The following KIF24 variants were observed in gnomAD, a reference collection of about 807,000 sequenced individuals.
KIF24 encodes the protein kinesin family member 24.
In KIF24, 81 loss-of-function variants were observed where a neutral mutation model predicts 118.9. The ratio of observed to expected loss-of-function variants is 0.68; its 90% CI spans 0.57 to 0.82. KIF24 has a LOEUF of 0.82. KIF24 is among the 40% of genes least tolerant of loss of function. The probability of loss-of-function intolerance (pLI) is 0.00; values close to 1 mark genes in which losing one functional copy is unlikely to be tolerated. For missense variants in KIF24, 1,560 were observed against 1,661.6 expected, an observed-to-expected ratio of 0.94 and a Z score of 1.06; for synonymous variants, 599 against 610.0, an observed-to-expected ratio of 0.98 and a Z score of 0.27.
chr9:34,301,249 C>T (rs1175484810), intron 3 of KIF24, among the ~76,000 whole-genome samples: 1 of 152,010 alleles, frequency 6.6e-6, no homozygotes, highest in Non-Finnish European at 1.5e-5. Context: ...ATCAGAGTTC[C>T]ACAGTTTATT....
chr9:34,262,672 A>ATGT (rs1835120999), intron 9 of KIF24, among the ~76,000 whole-genome samples: 1 of 37,960 alleles, frequency 2.6e-5, no homozygotes, highest in Non-Finnish European at 4.7e-5. Flanking sequence ...AAAAAAAAAA[A>ATGT]AAAATATATA....
rs6476443 is a variant in KIF24, at chr9:34,318,679, G to A, written c.-25-7308C>T. 5.4e-3 allele frequency: 8,282 copies of A among 1,539,424 alleles called. 393 individuals carry two copies. The African/African-American group carries it at 0.097, about 18-fold the overall frequency. On this transcript the variant is annotated intron_variant, in intron 1 of 12. Coordinates refer to ENST00000402558, the MANE Select transcript of KIF24 (RefSeq NM_194313.4). The surrounding 1 kb of genome is among the most constrained non-coding windows in gnomAD (Gnocchi z 4.9). ...GCGGCAAGGCGACCACGGCGTCGGA[G>A]GCCAAGGCAGTGCTGAGTGCCAAGC...
intron 1 of KIF24, among the ~76,000 whole-genome samples, chr9:34,327,605 TA>T (rs571919779): frequency 5.3e-5 from 8 of 150,682 alleles, no homozygotes; most frequent in South Asian, 4.2e-4. Flanking sequence ...TTTCAGCAGC[TA>T]AAAAAAAAGT....
chr9:34,260,505 C>T lies in KIF24; in HGVS notation c.1516-800G>A, dbSNP rs75383918. ...GTAAGCAGATCCATATGAGGCTATG[C>T]GGGCAGAGAGATGACTAGAAGGAAG... On this transcript the variant is annotated intron_variant, in intron 9 of 12. Coordinates refer to ENST00000402558, the MANE Select transcript of KIF24 (RefSeq NM_194313.4). Among the ~76,000 whole-genome samples the T allele has an allele frequency of 6.6e-3, 1,006 of 152,206 alleles. 8 individuals are homozygous for T. Among genetic ancestry groups the T allele is most frequent in the African/African-American group, 0.023 (939 of 41,530 alleles).
At position 34,259,654 on chromosome 9, in the gene KIF24, T is replaced by A. The variant is rs927455606; in HGVS notation, c.1567A>T (p.Ile523Phe). 2.5e-6 allele frequency: 4 copies of A among 1,613,822 alleles called. No homozygotes were observed. Among genetic ancestry groups the A allele is most frequent in the South Asian group, 2.2e-5 (2 of 91,086 alleles). The part of the protein sequence containing the change: ...GNAKTCMIAN[I>F]SPSHVATEHT... ...TCAGTGGCCACGTGGCTTGGTGAGA[T>A]GTTGGCGATCATGCAGGTTTTGGCA... The change falls in exon 10 of 13, where the codon ATC becomes TTC. Residue 523 changes from isoleucine to phenylalanine, a missense_variant. This residue lies in a region of KIF24 where 964 missense variants were observed against 988.0 expected (regional missense o/e 0.98). Coordinates refer to ENST00000402558, the MANE Select transcript of KIF24 (RefSeq NM_194313.4).
intron 1 of KIF24, among the ~76,000 whole-genome samples, chr9:34,324,883 C>A (rs1283806591): frequency 6.6e-6 from 1 of 152,182 alleles, no homozygotes; most frequent in Non-Finnish European, 1.5e-5. Flanking sequence ...CAAATGAGGT[C>A]TTTTCTGGTC....
Position 34,257,537 on chromosome 9 carries a change from T to G in KIF24, c.2070A>C (p.Pro690=). ...VLGWESRASG[P]GEGLVRGKLS... ...GCTTACCACGCACTAGGCCTTCTCC[T>G]GGGCCTGAGGCCCTGCTTTCCCACC... is the stretch of plus-strand genomic sequence containing the variant. The change falls in exon 11 of 13, where the codon CCA becomes CCC. Residue 690 remains proline (P), a synonymous_variant. Coordinates refer to ENST00000402558, the MANE Select transcript of KIF24 (RefSeq NM_194313.4). The G allele has an allele frequency of 6.2e-7, 1 of 1,614,088 alleles. No homozygotes were observed. The highest frequency in any genetic ancestry group is 1.1e-5 in the South Asian group (1 of 91,092).
intron 6 of KIF24, among the ~76,000 whole-genome samples, chr9:34,276,067 C>T (rs2131716906): frequency 6.6e-6 from 1 of 152,264 alleles, no homozygotes; most frequent in South Asian, 2.1e-4. Flanking sequence ...TTTCACTACA[C>T]TGTGGGGCAC....
chr9:34,299,536 G>C (rs961381646), intron 3 of KIF24, among the ~76,000 whole-genome samples: 1 of 151,262 alleles, frequency 6.6e-6, no homozygotes, highest in African/African-American at 2.4e-5. Flanking sequence ...CCACAGATGA[G>C]ACCCAGTCTC....
At chr9:34,306,701 C>T (rs1224930778) in intron 2 of KIF24, among the ~76,000 whole-genome samples, 1 of 151,976 alleles carries the variant, frequency 6.6e-6, no homozygotes, top group African/African-American at 2.4e-5. Context: ...ACTTGGGAGG[C>T]TGAGGCAGGA....
In KIF24 at chr9:34,257,660, T is replaced by C; in HGVS notation, c.1947A>G (p.Lys649=). 1 of 1,614,062 alleles carries C rather than the reference T, an allele frequency of 6.2e-7. No homozygotes were observed. The highest frequency in any genetic ancestry group is 8.5e-7 in the Non-Finnish European group (1 of 1,179,898). The change falls in exon 11 of 13, where the codon AAA becomes AAG. Residue 649 remains lysine (K), a synonymous_variant. Transcript: ENST00000402558. ...CCACATGTCCAGAGCGCACAGTTCC[T>C]TTCACAGGGCTAGCATGAATGACCC... ...QEWVIHASPV[K]GTVRSGHVAK...
At chr9:34,325,032 C>A (rs1837631929) in intron 1 of KIF24, among the ~76,000 whole-genome samples, 1 of 151,936 alleles carries the variant, frequency 6.6e-6, no homozygotes, top group African/African-American at 2.4e-5. Flanking sequence ...AGTATAATTT[C>A]TTTGTGGTCA....
At chr9:34,285,188 TTAA>T (rs1000162852) in intron 6 of KIF24, among the ~76,000 whole-genome samples, 90 of 152,250 alleles carry the variant, frequency 5.9e-4, no homozygotes, top group African/African-American at 2.1e-3. Context: ...AAAGAATAAC[TTAA>T]TAAAAGAAGC....
intron 10 of KIF24, among the ~76,000 whole-genome samples, chr9:34,259,276 C>T (rs1465240002): frequency 6.6e-6 from 1 of 152,212 alleles, no homozygotes; most frequent in East Asian, 1.9e-4. Context: ...CAACACTGAG[C>T]CTTCCACCCA....
upstream of KIF24, among the ~76,000 whole-genome samples, chr9:34,330,131 C>T (rs1837854490): frequency 6.6e-6 from 1 of 152,224 alleles, no homozygotes; most frequent in Non-Finnish European, 1.5e-5. Context: ...AGGCCGGGTG[C>T]GGTGGCTCAC....
chr9:34,290,411 T>C, intron 4 of KIF24, 22 bp from the exon 5 acceptor site: 1 of 1,454,380 alleles, frequency 6.9e-7, no homozygotes, highest in Middle Eastern at 1.8e-4. Context: ...ATAATTTGCA[T>C]TACTTATGCA....
chr9:34,252,716 T>A lies in KIF24; in HGVS notation c.*1664A>T, dbSNP rs1439629853. 6.6e-6 allele frequency: 1 copy of A among 152,008 alleles called. No individual in the cohort carries two copies. Among genetic ancestry groups the A allele is most frequent in the African/African-American group, 2.4e-5 (1 of 41,292 alleles). 9.4% of individuals were successfully genotyped at this position (152,008 alleles called of 1,614,324 possible). On this transcript the variant is annotated 3_prime_UTR_variant, in exon 13 of 13. Transcript: ENST00000402558. ...TTTGCAAAGGCAAGCCTAGACTGAGTCTTTTAAACCTGGCCCAGCTCCGTC... is the reference window on the plus strand; with the variant it reads ...TTTGCAAAGGCAAGCCTAGACTGAGACTTTTAAACCTGGCCCAGCTCCGTC...
At chr9:34,291,883 G>A (rs1836268677) in intron 4 of KIF24, among the ~76,000 whole-genome samples, 1 of 152,106 alleles carries the variant, frequency 6.6e-6, no homozygotes, top group South Asian at 2.1e-4. Context: ...CTGGGAAATG[G>A]GTCCCGCAAA....
Position 34,306,381 on chromosome 9 carries a change from AAC to A in KIF24, c.682_683del (p.Val228SerfsTer16). ...CCCTCATGCCCAGGGGGCGTTTTCG[AAC>A]ACAAACTCTGATTTTCTCCATCTCA... ...WTEMEKIRVC[V>X]RKRPLGMREV... On this transcript the variant is annotated frameshift_variant, in exon 3 of 13. Transcript: ENST00000402558. LOFTEE classifies it high-confidence loss of function. The A allele has an allele frequency of 3.7e-6, 6 of 1,613,096 alleles. No individual in the cohort carries two copies. Among genetic ancestry groups the A allele is most frequent in the Non-Finnish European group, 5.1e-6 (6 of 1,179,400 alleles).
Sources: allele counts gnomAD v4.1 joint callset (sites outside exome capture counted in the v4.1 genomes callset), GRCh38; gene constraint gnomAD v4.1.1; regional missense constraint gnomAD v4.1.1; non-coding constraint Gnocchi (gnomAD v3.1); transcripts MANE v1.5; gene names NCBI Gene and HGNC (gene_info 2026-07-23, HGNC 2026-07-21).